Variants in ESRRB observed in about 807,000 individuals in gnomAD.
ESRRB encodes the protein steroid hormone receptor ERR2.
In ESRRB, 16 loss-of-function variants were observed where a neutral mutation model predicts 46.0. That is an observed-to-expected ratio of 0.35 (90% CI 0.24 to 0.53). The LOEUF is 0.53. Among genes scored for constraint, ESRRB ranks in the 20% least tolerant of loss-of-function variants. The pLI, the probability that ESRRB is intolerant of heterozygous loss-of-function variation, is 0.93. For missense variants in ESRRB, 488 were observed against 607.4 expected (o/e 0.80, Z 2.07); for synonymous variants, 246 against 259.6 (o/e 0.95, Z 0.50).
intron 1 of ESRRB, among the ~76,000 whole-genome samples, chr14:76,397,843 G>A (rs571452582): frequency 6.6e-6 from 1 of 152,230 alleles, no homozygotes; most frequent in Non-Finnish European, 1.5e-5. Flanking sequence ...ACTACCTCCT[G>A]AGCAGAAAGT....
Position 76,376,637 on chromosome 14 carries a change from TCTAA to T in ESRRB, c.50+189_50+192del, listed in dbSNP as rs1179766865. ...TTTCTTTCTAGGGCATAAACCCTCC[TCTAA>T]CTTTTTCCCGCACCCCCTTTTACAA... On this transcript the variant is annotated intron_variant, in intron 1 of 6. Coordinates refer to ENST00000644823, the MANE Select transcript of ESRRB (RefSeq NM_001379180.1). The surrounding 1 kb of genome is among the most constrained non-coding windows in gnomAD (Gnocchi z 4.1). Among the ~76,000 whole-genome samples, 5 of 152,188 alleles carry T rather than the reference TCTAA, an allele frequency of 3.3e-5. No individual in the cohort carries two copies. The highest frequency in any genetic ancestry group is 7.2e-5 in the African/African-American group (3 of 41,456).
intron 2 of ESRRB, among the ~76,000 whole-genome samples, chr14:76,460,737 T>C (rs1465092859): frequency 1.5e-5 from 2 of 134,258 alleles, no homozygotes; most frequent in East Asian, 3.9e-4. Context: ...GTTTTGCTCT[T>C]GTCACCCAGG....
chr14:76,403,999 G>A (rs1287663264), intron 1 of ESRRB, among the ~76,000 whole-genome samples: 8 of 152,146 alleles, frequency 5.3e-5, no homozygotes, highest in African/African-American at 7.2e-5. Flanking sequence ...GATTACAGGC[G>A]TGAGCCACCA....
At chr14:76,417,622 G>T (rs1423847924) in intron 1 of ESRRB, among the ~76,000 whole-genome samples, 1 of 152,198 alleles carries the variant, frequency 6.6e-6, no homozygotes, top group Non-Finnish European at 1.5e-5. Flanking sequence ...TGTGACTTTT[G>T]ACTATGTTGG....
chr14:76,488,362 G>A (rs1890095969), intron 5 of ESRRB, among the ~76,000 whole-genome samples: 1 of 152,128 alleles, frequency 6.6e-6, no homozygotes, highest in Admixed American at 6.5e-5. Context: ...CCTATCAGAG[G>A]TTTGGGAACA....
chr14:76,392,318 C>T (rs766814741), intron 1 of ESRRB, among the ~76,000 whole-genome samples: 97 of 152,264 alleles, frequency 6.4e-4, no homozygotes, highest in Non-Finnish European at 2.4e-4. Context: ...GCTCTAAGGG[C>T]CTCTGTGAGT....
intron 1 of ESRRB, among the ~76,000 whole-genome samples, chr14:76,337,630 A>C (rs1213643414): frequency 1.3e-5 from 2 of 152,164 alleles, no homozygotes; most frequent in South Asian, 2.1e-4. Context: ...CACCTTGGAA[A>C]TAATCTTTCT....
At chr14:76,406,815 G>C (rs1886206541) in intron 1 of ESRRB, among the ~76,000 whole-genome samples, 1 of 152,216 alleles carries the variant, frequency 6.6e-6, no homozygotes, top group Non-Finnish European at 1.5e-5. Flanking sequence ...ACAAGATGTA[G>C]TGCTAAGAAG....
intron 1 of ESRRB, among the ~76,000 whole-genome samples, chr14:76,420,584 T>TGC (rs1357491253): frequency 1.3e-5 from 2 of 151,264 alleles, no homozygotes; most frequent in African/African-American, 4.9e-5. Flanking sequence ...TGTGTGTGTG[T>TGC]GTGTGTGTGT....
At position 76,313,677 on chromosome 14, in the gene ESRRB, G is replaced by A. The variant is rs569589081; in HGVS notation, c.2+2761G>A. ...AAATACCCCATCAATTAAAATGGCA[G>A]CTGGCAGGATTTTAAAACCAAAGAC... On this transcript the variant is annotated intron_variant, in intron 1 of 6. Transcript: ENST00000512784. Among the ~76,000 whole-genome samples the A allele has an allele frequency of 2.0e-5, 3 of 152,286 alleles. No homozygotes were observed. The East Asian group carries it at 5.8e-4, about 29-fold the overall frequency.
intron 1 of ESRRB, among the ~76,000 whole-genome samples, chr14:76,381,990 C>T (rs1035675949): frequency 6.6e-6 from 1 of 152,140 alleles, no homozygotes; most frequent in African/African-American, 2.4e-5. Flanking sequence ...GGATTAATAT[C>T]ATCAAGGGTC....
intron 2 of ESRRB, among the ~76,000 whole-genome samples, chr14:76,460,487 T>C (rs933027360): frequency 6.6e-6 from 1 of 152,088 alleles, no homozygotes; most frequent in African/African-American, 2.4e-5. Context: ...TCCTCTGAAG[T>C]GGGTAGGGTT....
chr14:76,385,633 T>C (rs1325035451), intron 1 of ESRRB, among the ~76,000 whole-genome samples: 3 of 152,206 alleles, frequency 2.0e-5, no homozygotes, highest in African/African-American at 7.2e-5. Flanking sequence ...CTGCTGACTG[T>C]TACGGGGTTC....
intron 2 of ESRRB, among the ~76,000 whole-genome samples, chr14:76,451,919 G>A (rs4254264): frequency 0.051 from 7,474 of 147,730 alleles, 625 homozygotes; most frequent in African/African-American, 0.18. Context: ...GATTACAGGC[G>A]TCTGCCACTG....
intron 1 of ESRRB, among the ~76,000 whole-genome samples, chr14:76,336,173 G>A (rs947272218): frequency 3.3e-5 from 5 of 152,184 alleles, no homozygotes; most frequent in Non-Finnish European, 7.4e-5. Flanking sequence ...TTAGTTGACA[G>A]GGAGCCATTG....
At chr14:76,463,462 T>C (rs1169835203) in intron 3 of ESRRB, 1 of 144,550 alleles carries the variant, frequency 6.9e-6, no homozygotes, top group South Asian at 2.2e-4. Flanking sequence ...TTTTTTTTTT[T>C]TGGAGACGGA....
intron 1 of ESRRB, among the ~76,000 whole-genome samples, chr14:76,401,039 G>A (rs1056622372): frequency 8.5e-5 from 13 of 152,160 alleles, no homozygotes; most frequent in African/African-American, 2.7e-4. Context: ...GTTTTACCCC[G>A]GGTGTGATCA....
intron 1 of ESRRB, among the ~76,000 whole-genome samples, chr14:76,328,989 G>A (rs191618657): frequency 6.2e-4 from 95 of 152,334 alleles, no homozygotes; most frequent in Non-Finnish European, 1.1e-3. Flanking sequence ...GTTCAAAAGA[G>A]AGCAGGGGCT....
chr14:76,429,013 C>A (rs1887318790), intron 1 of ESRRB, among the ~76,000 whole-genome samples: 2 of 152,068 alleles, frequency 1.3e-5, no homozygotes, highest in Non-Finnish European at 2.9e-5. Flanking sequence ...TCCCAGAGGG[C>A]CCCCAAGGGG....
Sources: gnomAD v4.1 joint callset for allele counts (sites outside exome capture counted in the v4.1 genomes callset) on GRCh38, gnomAD v4.1.1 for gene constraint, Gnocchi (gnomAD v3.1) non-coding constraint, MANE v1.5 for transcripts, NCBI Gene and HGNC (gene_info 2026-07-23, HGNC 2026-07-21) for gene names.